Variants in RAVER1 observed in about 807,000 individuals in gnomAD.
The protein encoded by RAVER1 is ribonucleoprotein PTB-binding 1.
A neutral mutation model predicts 68.4 loss-of-function variants in RAVER1; 36 were observed. That is an observed-to-expected ratio of 0.53 (90% confidence interval 0.40 to 0.70). The LOEUF (loss-of-function observed/expected upper bound fraction) is 0.70. RAVER1 is among the 30% of genes least tolerant of loss of function. The pLI is 0.00. For missense variants in RAVER1, 933 were observed against 1,019.8 expected (o/e 0.91, Z 1.16); for synonymous variants, 469 against 472.7 (o/e 0.99, Z 0.10).
At position 10,317,709 on chromosome 19, in the gene RAVER1, C is replaced by T; in HGVS notation, c.2054G>A (p.Gly685Asp). Residue 685 changes from glycine (G) to aspartate (D), a missense_variant, in exon 12 of 13, where the codon GGT (glycine) becomes GAT (aspartate). Physicochemically the swap from Gly to Asp is moderately conservative, Grantham distance 94. Around this residue, in one of 3 missense-constraint regions of RAVER1, gnomAD observed 699 missense variants for 731.1 expected, o/e 0.96. Coordinates refer to ENST00000617231, the MANE Select transcript of RAVER1 (RefSeq NM_133452.3). This position sits in a 1 kb window ranked among gnomAD's most constrained non-coding sequence, Gnocchi z 4.3. Reference protein sequence around the residue: ...GLLGLSPGPNGHSHLLKTPLG... With the variant: ...GLLGLSPGPNDHSHLLKTPLG... The stretch of plus-strand genomic sequence containing the variant: ...CCGTACCTTCAGCAGGTGGCTGTGA[C>T]CATTAGGCCCGGGGCTGAGGCCCAG... 1 of 1,592,788 alleles carries T rather than the reference C, an allele frequency of 6.3e-7. No homozygotes were observed. Among genetic ancestry groups the T allele is most frequent in the Non-Finnish European group, 8.5e-7 (1 of 1,170,508 alleles).
In RAVER1 at chr19:10,320,796, TG is replaced by T; in HGVS notation, c.1628del (p.Pro543GlnfsTer148). On this transcript the variant is annotated frameshift_variant, in exon 9 of 13. Coordinates refer to ENST00000617231, the MANE Select transcript of RAVER1 (RefSeq NM_133452.3). LOFTEE classifies it high-confidence loss of function. Reference protein sequence around the residue: ...GRSRRPAEGPPTNPPAPGGGS... With the variant: ...GRSRRPAEGPXTNPPAPGGGS... ...CACCTCCAGGGGCTGGGGGGTTAGT[TG>T]GGGGGCCCTCAGCTGGGCGGCGGCT... The T allele has an allele frequency of 2.7e-6, 3 of 1,115,062 alleles. No individual in the cohort carries two copies. The highest frequency in any genetic ancestry group is 2.7e-5 in the South Asian group (1 of 37,126). 69.1% of individuals were successfully genotyped at this position (1,115,062 alleles called of 1,614,324 possible).
Position 10,317,774 on chromosome 19 carries a change from C to A in RAVER1, c.1990-1G>T. The A allele has an allele frequency of 6.4e-7, 1 of 1,574,230 alleles. No individual in the cohort carries two copies. Among genetic ancestry groups the A allele is most frequent in the Non-Finnish European group, 8.6e-7 (1 of 1,156,294 alleles). On this transcript the variant is annotated splice_acceptor_variant, in intron 11 of 12. Transcript: ENST00000617231. LOFTEE classifies it high-confidence loss of function. This position sits in a 1 kb window ranked among gnomAD's most constrained non-coding sequence, Gnocchi z 4.3. ...ACCCCAGCGGGGAAGAGCCGATTGC[C>A]TGGGAGAAATGGAGAGGTGGAACAG...
rs1022022610 is a variant in RAVER1, at chr19:10,317,835, G to GC, written c.1990-63dup. On this transcript the variant is annotated intron_variant, in intron 11 of 12. Transcript: ENST00000617231. This position sits in a 1 kb window ranked among gnomAD's most constrained non-coding sequence, Gnocchi z 4.3. Reference sequence around the variant, plus strand: ...GGGGGCCAGAGGAAGCACCCACCCCGCCCCCCTGCCACTGCCCCCCAGCCC... The same window carrying GC: ...GGGGGCCAGAGGAAGCACCCACCCCGCCCCCCCTGCCACTGCCCCCCAGCCC... 1.1e-6 allele frequency: 1 copy of GC among 938,310 alleles called. No homozygotes were observed. The highest frequency in any genetic ancestry group is 1.7e-6 in the Non-Finnish European group (1 of 594,904). The allele number at this position is 938,310 out of a possible 1,614,324, so 58.1% of individuals were successfully genotyped here.
rs770469363 is a variant in RAVER1, at chr19:10,323,157, C to G, written c.1066G>C (p.Gly356Arg). The change falls in exon 5 of 13, where the codon GGG becomes CGG. Residue 356 changes from glycine (G) to arginine (R), a missense_variant. Around this residue, in one of 3 missense-constraint regions of RAVER1, gnomAD observed 699 missense variants for 731.1 expected, o/e 0.96. Transcript: ENST00000617231. This position sits in a 1 kb window ranked among gnomAD's most constrained non-coding sequence, Gnocchi z 6.2. ...LLNPLLHGSAGGKQGLLGAPP... is the reference protein window; with the variant it reads ...LLNPLLHGSARGKQGLLGAPP... ...AGCCCCACCTTACCCTGCTTCCCCC[C>G]CGCACTGCCATGGAGCAGGGGGTTG... 8 of 1,602,696 alleles carry G rather than the reference C, an allele frequency of 5.0e-6. No individual in the cohort carries two copies. The South Asian group carries it at 5.6e-5, about 11-fold the overall frequency.
chr19:10,333,316 C>A lies in RAVER1; in HGVS notation c.192G>T (p.Arg64=). 1.2e-6 allele frequency: 2 copies of A among 1,613,886 alleles called. No individual in the cohort carries two copies. Among genetic ancestry groups the A allele is most frequent in the Middle Eastern group, 1.7e-4 (1 of 6,060 alleles). ...GGTTGGTCACGTCCCCCGGGAGGCCCCGGATCAGTATCTTGCGGCGGTTAC... is the reference window on the plus strand; with the variant it reads ...GGTTGGTCACGTCCCCCGGGAGGCCACGGATCAGTATCTTGCGGCGGTTAC... ...QFRNRRKILI[R]GLPGDVTNQE... Residue 64 remains arginine (R), a synonymous_variant, in exon 1 of 13, where the codon CGG becomes CGT. Coordinates refer to ENST00000617231, the MANE Select transcript of RAVER1 (RefSeq NM_133452.3). The surrounding 1 kb of genome is among the most constrained non-coding windows in gnomAD (Gnocchi z 4.2).
At position 10,329,497 on chromosome 19, in the gene RAVER1, A is replaced by G. The variant is rs2040498794; in HGVS notation, c.287-386T>C. Reference sequence around the variant, plus strand: ...GGGGTATCAGTTTCCTCATCTCTCAAATGGATATAACTTAATCATCACAAT... The same window carrying G: ...GGGGTATCAGTTTCCTCATCTCTCAGATGGATATAACTTAATCATCACAAT... On this transcript the variant is annotated intron_variant, in intron 2 of 12. Coordinates refer to ENST00000617231, the MANE Select transcript of RAVER1 (RefSeq NM_133452.3). The surrounding 1 kb of genome is among the most constrained non-coding windows in gnomAD (Gnocchi z 4.6). Among the ~76,000 whole-genome samples the G allele has an allele frequency of 1.3e-5, 2 of 152,166 alleles. No individual in the cohort carries two copies. Among genetic ancestry groups the G allele is most frequent in the Non-Finnish European group, 1.5e-5 (1 of 68,026 alleles).
Position 10,329,959 on chromosome 19 carries a change from C to A in RAVER1, c.286+501G>T, listed in dbSNP as rs1392691763. Among the ~76,000 whole-genome samples, 1 of 151,978 alleles carries A rather than the reference C, an allele frequency of 6.6e-6. No individual in the cohort carries two copies. The highest frequency in any genetic ancestry group is 1.5e-5 in the Non-Finnish European group (1 of 68,004). ...CACCCAGGTAGAAACCCTGTCTCTA[C>A]TAAAAATACAAAAATTAGCCGGGCA... is the stretch of plus-strand genomic sequence containing the variant. On this transcript the variant is annotated intron_variant, in intron 2 of 12. Coordinates refer to ENST00000617231, the MANE Select transcript of RAVER1 (RefSeq NM_133452.3). The surrounding 1 kb of genome is among the most constrained non-coding windows in gnomAD (Gnocchi z 4.6).
chr19:10,323,312 G>C lies in RAVER1; in HGVS notation c.949-38C>G. Reference sequence around the variant, plus strand: ...ACAGAAGCAGCTCAGAGTGCCGCTGGGGCCCTGACATCCCCATGGGGCTCC... The same window carrying C: ...ACAGAAGCAGCTCAGAGTGCCGCTGCGGCCCTGACATCCCCATGGGGCTCC... On this transcript the variant is annotated intron_variant, in intron 4 of 12. Coordinates refer to ENST00000617231, the MANE Select transcript of RAVER1 (RefSeq NM_133452.3). The surrounding 1 kb of genome is among the most constrained non-coding windows in gnomAD (Gnocchi z 6.2). 6.2e-7 allele frequency: 1 copy of C among 1,612,116 alleles called. No homozygotes were observed. Among genetic ancestry groups the C allele is most frequent in the Non-Finnish European group, 8.5e-7 (1 of 1,179,228 alleles).
chr19:10,330,530 T>C lies in RAVER1; in HGVS notation c.220-4A>G, dbSNP rs1339026027. 5.6e-6 allele frequency: 8 copies of C among 1,433,672 alleles called. No individual in the cohort carries two copies. Among genetic ancestry groups the C allele is most frequent in the Middle Eastern group, 3.5e-4 (2 of 5,698 alleles). The allele number at this position is 1,433,672 out of a possible 1,614,324, so 88.8% of individuals were successfully genotyped here. On this transcript the variant is annotated splice_polypyrimidine_tract_variant and splice_region_variant and intron_variant, in intron 1 of 12. Transcript: ENST00000617231. ...CACTGAGCAGGTCATGTACTTCCTG[T>C]GGAGATACAAGACAAAAGACAGGGA...
Position 10,324,269 on chromosome 19 carries a change from G to A in RAVER1, c.757-703C>T, listed in dbSNP as rs118140306. Among the ~76,000 whole-genome samples, 183 of 152,290 alleles carry A rather than the reference G, an allele frequency of 1.2e-3. 4 individuals are homozygous for A. In the East Asian group the frequency reaches 0.032, roughly 27 times the overall value. ...AAGGGAAGTGGTTGGGCTGGGCACC[G>A]GCACTTGCTGAATGCCCGGGCAGCA... On this transcript the variant is annotated intron_variant, in intron 3 of 12. Transcript: ENST00000617231.
Position 10,331,393 on chromosome 19 carries a change from CAA to C in RAVER1, c.220-869_220-868del, listed in dbSNP as rs1171709414. On this transcript the variant is annotated intron_variant, in intron 1 of 12. Transcript: ENST00000617231. ...AAAAAAAAAAAAAAAATAACAACAACAAAAAAAAAAAAAAAAAAAGAGGCCGG... is the reference window on the plus strand; with the variant it reads ...AAAAAAAAAAAAAAAATAACAACAACAAAAAAAAAAAAAAAAAGAGGCCGG... Among the ~76,000 whole-genome samples the C allele has an allele frequency of 7.6e-4, 37 of 48,518 alleles. 1 individual carries two copies. The highest frequency in any genetic ancestry group is 2.1e-3 in the Admixed American group (9 of 4,366). 31.8% of individuals were successfully genotyped at this position (48,518 alleles called of 152,430 possible).
rs1161675615 is a variant in RAVER1 at position 10,333,391 on chromosome 19, T to C, written c.117A>G (p.Leu39=). Reference sequence around the variant, plus strand: ...GGCGTTTCCGGATCTCTTCTGGATCTAGAGGCGGCAGCTCTTCTTCCGGCG... The same window carrying C: ...GGCGTTTCCGGATCTCTTCTGGATCCAGAGGCGGCAGCTCTTCTTCCGGCG... ...RRAPEEELPP[L]DPEEIRKRLE... Residue 39 remains leucine (L), a synonymous_variant, in exon 1 of 13, where the codon CTA becomes CTG. Transcript: ENST00000617231. The surrounding 1 kb of genome is among the most constrained non-coding windows in gnomAD (Gnocchi z 4.2). 8 of 1,613,866 alleles carry C rather than the reference T, an allele frequency of 5.0e-6. No individual in the cohort carries two copies. Among genetic ancestry groups the C allele is most frequent in the South Asian group, 1.1e-5 (1 of 91,090 alleles).
Position 10,323,654 on chromosome 19 carries a change from G to GCC in RAVER1, c.757-90_757-89dup. On this transcript the variant is annotated intron_variant, in intron 3 of 12. Transcript: ENST00000617231. The surrounding 1 kb of genome is among the most constrained non-coding windows in gnomAD (Gnocchi z 6.2). ...GTGACAACCGTAACCAGACTCAGCT[G>GCC]CCCCATAAGGGTGAACTCCACGCCA... 7.1e-7 allele frequency: 1 copy of GCC among 1,402,518 alleles called. No individual in the cohort carries two copies. The highest frequency in any genetic ancestry group is 1.3e-5 in the South Asian group (1 of 74,654). The allele number at this position is 1,402,518 out of a possible 1,614,324, so 86.9% of individuals were successfully genotyped here.
chr19:10,331,355 T>A (rs2040514937), intron 1 of RAVER1, among the ~76,000 whole-genome samples: 1 of 23,828 alleles, frequency 4.2e-5, no homozygotes, highest in Non-Finnish European at 6.7e-5. Context: ...AGACTCCGTC[T>A]CAAAAAAAAA....
chr19:10,322,687 G>T lies in RAVER1; in HGVS notation c.1131C>A (p.Ser377=). 6.5e-7 allele frequency: 1 copy of T among 1,542,452 alleles called. No individual in the cohort carries two copies. The highest frequency in any genetic ancestry group is 8.7e-7 in the Non-Finnish European group (1 of 1,154,450). Residue 377 remains serine (S), a synonymous_variant, in exon 6 of 13, where the codon TCC becomes TCA. Transcript: ENST00000617231. This position sits in a 1 kb window ranked among gnomAD's most constrained non-coding sequence, Gnocchi z 4.3. Reference sequence around the variant, plus strand: ...GCAGGGCGAGCTGCAACAGCGCCGTGGACAGGGCTGGCCCATTGAGCAGCG... The same window carrying T: ...GCAGGGCGAGCTGCAACAGCGCCGTTGACAGGGCTGGCCCATTGAGCAGCG... ...AMPLLNGPAL[S]TALLQLALQT...
Position 10,329,151 on chromosome 19 carries a change from T to G in RAVER1, c.287-40A>C. 2 of 1,288,660 alleles carry G rather than the reference T, an allele frequency of 1.6e-6. No homozygotes were observed. Among genetic ancestry groups the G allele is most frequent in the Non-Finnish European group, 2.1e-6 (2 of 953,886 alleles). The allele number at this position is 1,288,660 out of a possible 1,614,324, so 79.8% of individuals were successfully genotyped here. ...GGGCAGTGCGAGGTCAGCCGGGCCCTGAGGGCCTGCCCCTCCACCCCGCCA... is the reference window on the plus strand; with the variant it reads ...GGGCAGTGCGAGGTCAGCCGGGCCCGGAGGGCCTGCCCCTCCACCCCGCCA... On this transcript the variant is annotated intron_variant, in intron 2 of 12. Transcript: ENST00000617231. This position sits in a 1 kb window ranked among gnomAD's most constrained non-coding sequence, Gnocchi z 4.6.
rs1436564444 is a variant in RAVER1 at position 10,317,227 on chromosome 19, G to A, written c.*227C>T. On this transcript the variant is annotated 3_prime_UTR_variant, in exon 13 of 13. Coordinates refer to ENST00000617231, the MANE Select transcript of RAVER1 (RefSeq NM_133452.3). This position sits in a 1 kb window ranked among gnomAD's most constrained non-coding sequence, Gnocchi z 4.3. ...CAGGCCGGGGCCCCTCTCTCTTAAG[G>A]CTGCAGGGTTTCAGCGTGGGGAGCA... The A allele has an allele frequency of 1.0e-5, 6 of 573,800 alleles. No individual in the cohort carries two copies. Among genetic ancestry groups the A allele is most frequent in the Non-Finnish European group, 1.8e-5 (6 of 325,738 alleles). 35.5% of individuals were successfully genotyped at this position (573,800 alleles called of 1,614,324 possible).
At position 10,317,212 on chromosome 19, in the gene RAVER1, C is replaced by A; in HGVS notation, c.*242G>T. On this transcript the variant is annotated 3_prime_UTR_variant, in exon 13 of 13. Coordinates refer to ENST00000617231, the MANE Select transcript of RAVER1 (RefSeq NM_133452.3). The surrounding 1 kb of genome is among the most constrained non-coding windows in gnomAD (Gnocchi z 4.3). The stretch of plus-strand genomic sequence containing the variant: ...GGGAGGGAGGGAGAGCAGGCCGGGG[C>A]CCCTCTCTCTTAAGGCTGCAGGGTT... 1 of 546,642 alleles carries A rather than the reference C, an allele frequency of 1.8e-6. No homozygotes were observed. The highest frequency in any genetic ancestry group is 3.2e-6 in the Non-Finnish European group (1 of 309,206). 33.9% of individuals were successfully genotyped at this position (546,642 alleles called of 1,614,324 possible).
At position 10,322,443 on chromosome 19, in the gene RAVER1, A is replaced by T; in HGVS notation, c.1173+202T>A. 1.9e-6 allele frequency: 1 copy of T among 514,696 alleles called. No homozygotes were observed. The highest frequency in any genetic ancestry group is 2.9e-5 in the South Asian group (1 of 34,800). 31.9% of individuals were successfully genotyped at this position (514,696 alleles called of 1,614,324 possible). A position where few individuals can be genotyped will look rare whatever the true frequency, so the allele number is the denominator to read the frequency against. On this transcript the variant is annotated intron_variant, in intron 6 of 12. Transcript: ENST00000617231. The surrounding 1 kb of genome is among the most constrained non-coding windows in gnomAD (Gnocchi z 4.3). ...GGGCGCTCTCAGAATGGAGGGAAAG[A>T]TGGCGAACCATCATGAGCAATTGCC...
Sources: allele counts gnomAD v4.1 joint callset (sites outside exome capture counted in the v4.1 genomes callset), GRCh38; gene constraint gnomAD v4.1.1; regional missense constraint gnomAD v4.1.1; non-coding constraint Gnocchi (gnomAD v3.1); transcripts MANE v1.5; gene names NCBI Gene and HGNC (gene_info 2026-07-23, HGNC 2026-07-21).